Variants in NEIL1 observed in about 807,000 individuals in gnomAD.
NEIL1 encodes nei like DNA glycosylase 1.
NEIL1 carries 31 observed loss-of-function variants against 44.2 expected under a neutral mutation model. That is an observed-to-expected ratio of 0.70 (90% confidence interval 0.53 to 0.95). The LOEUF (loss-of-function observed/expected upper bound fraction) is 0.95, where lower values mean the gene tolerates loss of function less well. Among genes scored for constraint, NEIL1 ranks in the 40% least tolerant of loss-of-function variants. The pLI is 0.00. For missense variants in NEIL1, 549 were observed against 515.5 expected (o/e 1.07, Z -0.63); for synonymous variants, 254 against 209.7 (o/e 1.21, Z -1.83).
At chr15:75,348,802 G>A (rs567147769) in intron 1 of NEIL1, 82 bp from the exon 2 acceptor site, 13 of 1,530,170 alleles carry the variant, frequency 8.5e-6, no homozygotes, top group Non-Finnish European at 1.1e-5. Context: ...GACCCTCCGA[G>A]TTCTCCTCTA....
rs1266152220 is a variant in NEIL1 at position 75,349,229 on chromosome 15, C to T, written c.324C>T (p.Pro108=). 1.9e-6 allele frequency: 3 copies of T among 1,610,210 alleles called. No homozygotes were observed. In the East Asian group the frequency reaches 6.7e-5, roughly 36 times the overall value. ...GCTTTTACACGGCCCCGCCTGGCCC[C>T]CGGCTCGCCCTATGTTTCGTGGACA... ...HLRFYTAPPG[P]RLALCFVDIR... The change falls in exon 2 of 10, where the codon CCC becomes CCT. Residue 108 remains proline, a synonymous_variant. Coordinates refer to ENST00000355059, the MANE Select transcript of NEIL1 (RefSeq NM_024608.4).
At position 75,356,909 on chromosome 15, in the gene NEIL1, G is replaced by T; in HGVS notation, c.*1875G>T. ...TCCAGCGATGGGCCCACACCTGGAG[G>T]GCAGATCCAAGACCCACTTGGTGGC... On this transcript the variant is annotated 3_prime_UTR_variant, in exon 10 of 10. Transcript: ENST00000355059. This position sits in a 1 kb window ranked among gnomAD's most constrained non-coding sequence, Gnocchi z 5.8. The T allele has an allele frequency of 6.2e-7, 1 of 1,613,010 alleles. No homozygotes were observed.
intron 5 of NEIL1, chr15:75,353,005 G>A (rs1035318627): frequency 6.4e-6 from 2 of 314,260 alleles, no homozygotes; most frequent in South Asian, 5.9e-5. Context: ...GCCAGGTGTG[G>A]TGGTGGGCAC....
In NEIL1 at chr15:75,356,458, C is replaced by G; in HGVS notation, c.*1424C>G. ...AGCATCCTGGAAAGAGCCTGGGGTA[C>G]GACCAGGAAACAATGCTGGTGGAGA... On this transcript the variant is annotated 3_prime_UTR_variant, in exon 10 of 10. Transcript: ENST00000355059. The surrounding 1 kb of genome is among the most constrained non-coding windows in gnomAD (Gnocchi z 5.8). 6 of 1,589,892 alleles carry G rather than the reference C, an allele frequency of 3.8e-6. No individual in the cohort carries two copies. Among genetic ancestry groups the G allele is most frequent in the Non-Finnish European group, 5.1e-6 (6 of 1,169,692 alleles).
At position 75,356,713 on chromosome 15, in the gene NEIL1, AC is replaced by A; in HGVS notation, c.*1680del. 2 of 1,611,256 alleles carry A rather than the reference AC, an allele frequency of 1.2e-6. No individual in the cohort carries two copies. Among genetic ancestry groups the A allele is most frequent in the Non-Finnish European group, 1.7e-6 (2 of 1,178,662 alleles). On this transcript the variant is annotated 3_prime_UTR_variant, in exon 10 of 10. Transcript: ENST00000355059. The surrounding 1 kb of genome is among the most constrained non-coding windows in gnomAD (Gnocchi z 5.8). The stretch of plus-strand genomic sequence containing the variant: ...GGGGTGAGGAGGGCGCGTAGGGGCC[AC>A]GCTGAAGCTGTTGGAGTTGTGGTCG...
chr15:75,353,620 G>A (rs1429571136), intron 5 of NEIL1, 119 bp from the exon 6 acceptor site: 3 of 1,059,908 alleles, frequency 2.8e-6, no homozygotes, highest in Middle Eastern at 2.0e-4. Context: ...GGGAGAGTGT[G>A]GCCCCTGACT....
chr15:75,352,109 AG>A lies in NEIL1; in HGVS notation c.436del, dbSNP rs748847211. On this transcript the variant is annotated splice_acceptor_variant, in intron 2 of 9. Transcript: ENST00000355059. LOFTEE classifies it high-confidence loss of function. ...TTACGCACCCAGACCGTGTTCCTCC[AG>A]GGAGAATGTGCTACGAAACCTAGCG... 15 of 1,614,112 alleles carry A rather than the reference AG, an allele frequency of 9.3e-6. No homozygotes were observed. The highest frequency in any genetic ancestry group is 1.7e-5 in the Admixed American group (1 of 60,022).
At chr15:75,348,612 C>G in intron 1 of NEIL1, 2 of 1,332,920 alleles carry the variant, frequency 1.5e-6, no homozygotes, top group Non-Finnish European at 9.6e-7. Context: ...TTGGGACTTT[C>G]GTCTAAACGC....
At chr15:75,353,611 G>A (rs2072102248) in intron 5 of NEIL1, 128 bp from the exon 6 acceptor site, 1 of 981,834 alleles carries the variant, frequency 1.0e-6, no homozygotes, top group Non-Finnish European at 1.6e-6. Flanking sequence ...ACCAGAGGAG[G>A]GAGAGTGTGG....
rs1334367177 is a variant in NEIL1, at chr15:75,356,764, C to T, written c.*1730C>T. On this transcript the variant is annotated 3_prime_UTR_variant, in exon 10 of 10. Transcript: ENST00000355059. The surrounding 1 kb of genome is among the most constrained non-coding windows in gnomAD (Gnocchi z 5.8). ...GGGAAGACCCATTTCTCCATGCCAG[C>T]TCCCAGGCCTGGTGGGTACCCCACT... 6.2e-7 allele frequency: 1 copy of T among 1,613,042 alleles called. No homozygotes were observed. Among genetic ancestry groups the T allele is most frequent in the Admixed American group, 1.7e-5 (1 of 60,026 alleles).
intron 2 of NEIL1, among the ~76,000 whole-genome samples, chr15:75,350,021 T>G (rs958155179): frequency 6.6e-6 from 1 of 152,182 alleles, no homozygotes. Context: ...CGGAATTGTT[T>G]CAAGGGGATG....
At position 75,356,701 on chromosome 15, in the gene NEIL1, C is replaced by T. The variant is rs373717625; in HGVS notation, c.*1667C>T. 4 of 1,605,560 alleles carry T rather than the reference C, an allele frequency of 2.5e-6. No individual in the cohort carries two copies. Among genetic ancestry groups the T allele is most frequent in the Non-Finnish European group, 2.6e-6 (3 of 1,176,466 alleles). On this transcript the variant is annotated 3_prime_UTR_variant, in exon 10 of 10. Coordinates refer to ENST00000355059, the MANE Select transcript of NEIL1 (RefSeq NM_024608.4). The surrounding 1 kb of genome is among the most constrained non-coding windows in gnomAD (Gnocchi z 5.8). ...CGCCCGCAAGCTGGGGTGAGGAGGG[C>T]GCGTAGGGGCCACGCTGAAGCTGTT...
chr15:75,355,439 G>C lies in NEIL1; in HGVS notation c.*405G>C, dbSNP rs1172571457. On this transcript the variant is annotated 3_prime_UTR_variant, in exon 10 of 10. Coordinates refer to ENST00000355059, the MANE Select transcript of NEIL1 (RefSeq NM_024608.4). ...AGGTGGTACAAAGACCCTGGCCCCA[G>C]GCAGCCCAGGAGCCAGAGCTCCTCC... 8.8e-6 allele frequency: 2 copies of C among 226,966 alleles called. No individual in the cohort carries two copies. Among genetic ancestry groups the C allele is most frequent in the African/African-American group, 4.8e-5 (2 of 41,740 alleles). 14.1% of individuals were successfully genotyped at this position (226,966 alleles called of 1,614,324 possible). A position where few individuals can be genotyped will look rare whatever the true frequency, so the allele number is the denominator to read the frequency against.
rs747425562 is a variant in NEIL1 at position 75,355,967 on chromosome 15, A to G, written c.*933A>G. 1 of 1,614,138 alleles carries G rather than the reference A, an allele frequency of 6.2e-7. No homozygotes were observed. Among genetic ancestry groups the G allele is most frequent in the East Asian group, 2.2e-5 (1 of 44,878 alleles). On this transcript the variant is annotated 3_prime_UTR_variant, in exon 10 of 10. Coordinates refer to ENST00000355059, the MANE Select transcript of NEIL1 (RefSeq NM_024608.4). ...CAGCACTTGGAAGGGAGAAAAGGTG[A>G]GCTTCAGGCGGTTGTCCCGAAGGGT...
chr15:75,355,879 T>C lies in NEIL1; in HGVS notation c.*845T>C. 1 of 1,613,172 alleles carries C rather than the reference T, an allele frequency of 6.2e-7. No individual in the cohort carries two copies. Among genetic ancestry groups the C allele is most frequent in the Non-Finnish European group, 8.5e-7 (1 of 1,179,670 alleles). ...GAAATTAGGAGTCCCCAGAGCCTTC[T>C]ACAAACAAAACCCCAGCCCCAGGGA... is the stretch of plus-strand genomic sequence containing the variant. On this transcript the variant is annotated 3_prime_UTR_variant, in exon 10 of 10. Transcript: ENST00000355059.
At position 75,355,352 on chromosome 15, in the gene NEIL1, C is replaced by T; in HGVS notation, c.*318C>T. 1 of 347,794 alleles carries T rather than the reference C, an allele frequency of 2.9e-6. No individual in the cohort carries two copies. The highest frequency in any genetic ancestry group is 2.9e-5 in the South Asian group (1 of 34,380). 21.5% of individuals were successfully genotyped at this position (347,794 alleles called of 1,614,324 possible). On this transcript the variant is annotated 3_prime_UTR_variant, in exon 10 of 10. Coordinates refer to ENST00000355059, the MANE Select transcript of NEIL1 (RefSeq NM_024608.4). The stretch of plus-strand genomic sequence containing the variant: ...TCACAAGGCAAACTGAGCCCCCATC[C>T]CAGTCCTCAAGGCTCTGACTCTATC...
chr15:75,352,941 A>T, intron 5 of NEIL1: 1 of 446,670 alleles, frequency 2.2e-6, no homozygotes, highest in Admixed American at 3.6e-5. Context: ...GGAGTTCGAG[A>T]CCATCCTGGC....
In NEIL1 at chr15:75,347,694, G is replaced by T. The variant is rs574971437; in HGVS notation, c.-23+221G>T. The T allele has an allele frequency of 1.2e-4, 65 of 558,376 alleles. No individual in the cohort carries two copies. The East Asian group carries it at 6.1e-3, about 53-fold the overall frequency. 34.6% of individuals were successfully genotyped at this position (558,376 alleles called of 1,614,324 possible). On this transcript the variant is annotated intron_variant, in intron 1 of 9. Transcript: ENST00000355059. ...GAGGGGGCGTGCAGGATCGGGTTGT[G>T]GGGGGTGCGCTGTAGGGCTAAGGAG...
At chr15:75,352,527 C>T in intron 4 of NEIL1, 75 bp from the exon 5 acceptor site, 1 of 1,554,746 alleles carries the variant, frequency 6.4e-7, no homozygotes. Flanking sequence ...AAAGTCTGAC[C>T]AAGCTCAGAG....
Sources: allele counts gnomAD v4.1 joint callset (sites outside exome capture counted in the v4.1 genomes callset), GRCh38; gene constraint gnomAD v4.1.1; non-coding constraint Gnocchi (gnomAD v3.1); transcripts MANE v1.5; gene names NCBI Gene and HGNC (gene_info 2026-07-23, HGNC 2026-07-21).